Variants in CFI observed in about 807,000 individuals in gnomAD.
The protein encoded by CFI is C3B/C4B inactivator.
A neutral mutation model predicts 78.8 loss-of-function variants in CFI; 66 were observed. The ratio of observed to expected loss-of-function variants is 0.84; its 90% CI spans 0.69 to 1.03. The LOEUF is 1.03. Among genes scored for constraint, CFI ranks in the 50% least tolerant of loss-of-function variants. The probability of loss-of-function intolerance (pLI) is 0.00; values close to 1 mark genes in which losing one functional copy is unlikely to be tolerated. For missense variants in CFI, 706 were observed against 704.5 expected (o/e 1.00, Z -0.02); for synonymous variants, 250 against 232.6 (o/e 1.07, Z -0.68).
At chr4:109,785,536 C>T (rs942291407) in intron 1 of CFI, among the ~76,000 whole-genome samples, 15 of 151,726 alleles carry the variant, frequency 9.9e-5, no homozygotes, top group African/African-American at 3.6e-4. Flanking sequence ...TTGCTCTCCA[C>T]CCGCCCTCCC....
intron 1 of CFI, among the ~76,000 whole-genome samples, chr4:109,799,325 C>T (rs1247104072): frequency 6.6e-6 from 1 of 152,160 alleles, no homozygotes; most frequent in Admixed American, 6.6e-5. Flanking sequence ...CTAGGTGAAA[C>T]CAAGACAAGT....
intron 1 of CFI, chr4:109,793,616 C>T (rs1261674328): frequency 3.9e-5 from 6 of 152,202 alleles, no homozygotes; most frequent in Non-Finnish European, 8.8e-5. Flanking sequence ...CAGTTTTGAA[C>T]TCCTGAGCTC....
In CFI at chr4:109,741,074, T is replaced by C. The variant is rs121964914; in HGVS notation, c.1571A>G (p.Asp524Gly). Reference protein sequence around the residue: ...YDGSIDACKGDSGGPLVCMDA... With the variant: ...YDGSIDACKGGSGGPLVCMDA... ...CATACAGACTAAGGGGCCTCCAGAG[T>C]CCCCTTTACAGGCATCGATGGAACC... is the stretch of plus-strand genomic sequence containing the variant. The change falls in exon 13 of 13, where the codon GAC becomes GGC. Residue 524 changes from aspartate to glycine, a missense_variant. Transcript: ENST00000394634. The C allele has an allele frequency of 6.8e-6, 11 of 1,613,862 alleles. No homozygotes were observed. The highest frequency in any genetic ancestry group is 9.3e-6 in the Non-Finnish European group (11 of 1,179,978).
At position 109,801,910 on chromosome 4, in the gene CFI, C is replaced by G. The variant is rs754050029; in HGVS notation, c.57+5G>C. 1 of 1,597,946 alleles carries G rather than the reference C, an allele frequency of 6.3e-7. No individual in the cohort carries two copies. The highest frequency in any genetic ancestry group is 8.6e-7 in the Non-Finnish European group (1 of 1,166,314). ...AATTGTTTGCATAAAGGTTGAATTACTTACCTTGCAAAACCTTAAGTGGAA... is the reference window on the plus strand; with the variant it reads ...AATTGTTTGCATAAAGGTTGAATTAGTTACCTTGCAAAACCTTAAGTGGAA... On this transcript the variant is annotated splice_donor_5th_base_variant and intron_variant, in intron 1 of 12. Coordinates refer to ENST00000394634, the MANE Select transcript of CFI (RefSeq NM_000204.5).
At chr4:109,742,312 A>G (rs1405678501) in intron 12 of CFI, 179 bp downstream of exon 12, 7 of 624,036 alleles carry the variant, frequency 1.1e-5, no homozygotes, top group African/African-American at 5.5e-5. Flanking sequence ...TCCTCATAGT[A>G]TTAGAGGAAG....
chr4:109,754,132 C>G (rs935022964), intron 7 of CFI, among the ~76,000 whole-genome samples: 1 of 151,388 alleles, frequency 6.6e-6, no homozygotes, highest in Non-Finnish European at 1.5e-5. Flanking sequence ...TACAGGTGTG[C>G]GTCACCATGC....
intron 1 of CFI, among the ~76,000 whole-genome samples, chr4:109,774,864 TC>T (rs1729026521): frequency 6.6e-6 from 1 of 152,208 alleles, no homozygotes; most frequent in African/African-American, 2.4e-5. Context: ...TTCTTATTTC[TC>T]TAGTTCCTTG....
At chr4:109,798,875 T>C (rs1358613497) in intron 1 of CFI, among the ~76,000 whole-genome samples, 1 of 142,830 alleles carries the variant, frequency 7.0e-6, no homozygotes, top group Non-Finnish European at 1.5e-5. Flanking sequence ...TTTCCTTCAA[T>C]GCAAGAGGAG....
intron 10 of CFI, among the ~76,000 whole-genome samples, chr4:109,747,008 C>A (rs997323011): frequency 6.6e-6 from 1 of 152,220 alleles, no homozygotes; most frequent in Non-Finnish European, 1.5e-5. Flanking sequence ...CCTTTCCTCA[C>A]ACTAGACTGT....
chr4:109,761,572 T>C lies in CFI; in HGVS notation c.603A>G (p.Arg201=). The change falls in exon 4 of 13, where the codon AGA becomes AGG. Residue 201 remains arginine, a synonymous_variant. Coordinates refer to ENST00000394634, the MANE Select transcript of CFI (RefSeq NM_000204.5). Reference sequence around the variant, plus strand: ...CGAAATCCTGGTAACCCATAGTTCTTCTCTTAGTAAAAGTACATTCAGCCA... The same window carrying C: ...CGAAATCCTGGTAACCCATAGTTCTCCTCTTAGTAAAAGTACATTCAGCCA... ...TSLAECTFTK[R]RTMGYQDFAD... is the part of the protein sequence containing the mutation. The C allele has an allele frequency of 6.2e-7, 1 of 1,614,168 alleles. No homozygotes were observed. The highest frequency in any genetic ancestry group is 8.5e-7 in the Non-Finnish European group (1 of 1,180,014).
At chr4:109,745,215 C>T (rs1724266376) in intron 11 of CFI, among the ~76,000 whole-genome samples, 1 of 152,114 alleles carries the variant, frequency 6.6e-6, no homozygotes, top group Non-Finnish European at 1.5e-5. Flanking sequence ...CAGAGTCTCG[C>T]TCTGTCACTC....
Position 109,782,555 on chromosome 4 carries a change from G to A in CFI, c.58-15731C>T, listed in dbSNP as rs141224789. ...AAAAACAAATGGAAACACATCCCAT[G>A]CTCATGGATGGATAGAATCAATATT... On this transcript the variant is annotated intron_variant, in intron 1 of 12. Coordinates refer to ENST00000394634, the MANE Select transcript of CFI (RefSeq NM_000204.5). Among the ~76,000 whole-genome samples, 6 of 152,084 alleles carry A rather than the reference G, an allele frequency of 3.9e-5. No homozygotes were observed. The East Asian group carries it at 1.2e-3, about 29-fold the overall frequency.
Position 109,761,559 on chromosome 4 carries a change from A to T in CFI, c.616T>A (p.Tyr206Asn), listed in dbSNP as rs371623439. The T allele has an allele frequency of 3.1e-5, 50 of 1,614,034 alleles. No homozygotes were observed. Among genetic ancestry groups the T allele is most frequent in the Non-Finnish European group, 4.2e-5 (49 of 1,180,020 alleles). Residue 206 changes from tyrosine (Y) to asparagine (N), a missense_variant, in exon 4 of 13, where the codon TAC (tyrosine) becomes AAC (asparagine). Transcript: ENST00000394634. ...CAAACCACATCAGCGAAATCCTGGT[A>T]ACCCATAGTTCTTCTCTTAGTAAAA... ...CTFTKRRTMG[Y>N]QDFADVVCYT...
At chr4:109,789,324 T>G (rs1042982049) in intron 1 of CFI, among the ~76,000 whole-genome samples, 2 of 151,630 alleles carry the variant, frequency 1.3e-5, no homozygotes, top group Non-Finnish European at 2.9e-5. Flanking sequence ...TGAGAACAAA[T>G]GAGGAATGAA....
rs1730629952 is a variant in CFI at position 109,785,507 on chromosome 4, G to T, written c.57+16408C>A. ...CAGAAATTTATTTACTTATATTTTT[G>T]CTCCCCACCCACACTTTTTTGCTCT... On this transcript the variant is annotated intron_variant, in intron 1 of 12. Coordinates refer to ENST00000394634, the MANE Select transcript of CFI (RefSeq NM_000204.5). Among the ~76,000 whole-genome samples, 4 of 150,006 alleles carry T rather than the reference G, an allele frequency of 2.7e-5. No homozygotes were observed. In the South Asian group the frequency reaches 8.4e-4, roughly 31 times the overall value.
intron 7 of CFI, among the ~76,000 whole-genome samples, chr4:109,754,753 C>G (rs1475394203): frequency 6.6e-6 from 1 of 152,160 alleles, no homozygotes. Flanking sequence ...GATGCATTCA[C>G]AAAAGCACGC....
At chr4:109,785,296 GA>G (rs1276082231) in intron 1 of CFI, among the ~76,000 whole-genome samples, 10 of 151,838 alleles carry the variant, frequency 6.6e-5, no homozygotes, top group Non-Finnish European at 1.2e-4. Context: ...AAAATAAAGT[GA>G]AAAATTTTAA....
chr4:109,756,512 A>C (rs1726170425), intron 7 of CFI, among the ~76,000 whole-genome samples: 1 of 152,000 alleles, frequency 6.6e-6, no homozygotes, highest in Non-Finnish European at 1.5e-5. Flanking sequence ...GAGAGAATGC[A>C]ATGAAATAAT....
At chr4:109,777,624 A>G (rs911313461) in intron 1 of CFI, among the ~76,000 whole-genome samples, 5 of 152,320 alleles carry the variant, frequency 3.3e-5, no homozygotes, top group African/African-American at 1.2e-4. Flanking sequence ...GCTCTGCACC[A>G]AGCAGACCTA....
Sources: gnomAD v4.1 joint callset for allele counts (sites outside exome capture counted in the v4.1 genomes callset) on GRCh38, gnomAD v4.1.1 for gene constraint, MANE v1.5 for transcripts, NCBI Gene and HGNC (gene_info 2026-07-23, HGNC 2026-07-21) for gene names.